GDA: variants seen among roughly 807,000 people sequenced by gnomAD.
The protein encoded by GDA is cytoplasmic PSD-95 interactor.
In GDA, 18 loss-of-function variants were observed where a neutral mutation model predicts 59.6. The ratio of observed to expected loss-of-function variants is 0.30; its 90% CI spans 0.21 to 0.45. The LOEUF is 0.45. Among genes scored for constraint, GDA ranks in the 20% least tolerant of loss-of-function variants. GDA has a pLI of 1.00. For synonymous variants in GDA, 201 were observed against 201.1 expected, an observed-to-expected ratio of 1.00 and a Z score of 0.00; for missense variants, 427 against 552.3, an observed-to-expected ratio of 0.77 and a Z score of 2.27.
At chr9:72,223,662 C>T (rs926249860) in intron 7 of GDA, among the ~76,000 whole-genome samples, 2 of 152,170 alleles carry the variant, frequency 1.3e-5, no homozygotes, top group Non-Finnish European at 2.9e-5. Context: ...CTAATTTCCA[C>T]CTTACAAAAT....
intron 4 of GDA, among the ~76,000 whole-genome samples, chr9:72,212,063 T>C (rs1026357882): frequency 1.3e-5 from 2 of 152,230 alleles, no homozygotes; most frequent in African/African-American, 4.8e-5. Flanking sequence ...TTGTCCCATA[T>C]AGCCTCAGCT....
chr9:72,233,997 A>G (rs1389554105), intron 10 of GDA, among the ~76,000 whole-genome samples: 1 of 152,204 alleles, frequency 6.6e-6, no homozygotes, highest in African/African-American at 2.4e-5. Flanking sequence ...AGCTTTATTT[A>G]TAATAGCCCC....
intron 6 of GDA, among the ~76,000 whole-genome samples, chr9:72,220,566 C>T (rs2131554574): frequency 6.6e-6 from 1 of 152,196 alleles, no homozygotes; most frequent in East Asian, 1.9e-4. Context: ...GTTAGAGTTA[C>T]CGTCTCAGGG....
chr9:72,192,421 G>C (rs745526408), intron 1 of GDA, among the ~76,000 whole-genome samples: 2 of 149,692 alleles, frequency 1.3e-5, no homozygotes, highest in Non-Finnish European at 3.0e-5. Context: ...TAGTAGAGAC[G>C]GGTTTTCACC....
At chr9:72,199,968 A>G (rs1246913582) in intron 2 of GDA, among the ~76,000 whole-genome samples, 3 of 149,572 alleles carry the variant, frequency 2.0e-5, no homozygotes, top group African/African-American at 4.9e-5. Flanking sequence ...AGTTACCTAT[A>G]TAAGACCCTC....
chr9:72,219,413 T>C lies in GDA; in HGVS notation c.579-66T>C, dbSNP rs1836572420. 5.0e-6 allele frequency: 6 copies of C among 1,194,146 alleles called. No individual in the cohort carries two copies. In the Middle Eastern group the frequency reaches 1.2e-3, roughly 240 times the overall value. 74.0% of individuals were successfully genotyped at this position (1,194,146 alleles called of 1,614,324 possible). On this transcript the variant is annotated intron_variant, in intron 5 of 13. Transcript: ENST00000358399. ...GCCAGACTCTGTCTGAAGAAAAAAA[T>C]AATAATAAAGAAAAGAAAAAAAGAA...
intron 1 of GDA, among the ~76,000 whole-genome samples, chr9:72,162,027 T>C (rs955596332): frequency 6.6e-6 from 1 of 152,242 alleles, no homozygotes; most frequent in Non-Finnish European, 1.5e-5. Flanking sequence ...TATAAATTGT[T>C]TCCTTTCAGC....
chr9:72,155,721 AAGG>A (rs1306470470), intron 1 of GDA, among the ~76,000 whole-genome samples: 4 of 152,200 alleles, frequency 2.6e-5, no homozygotes, highest in African/African-American at 7.2e-5. Flanking sequence ...GAGTGCAGGC[AAGG>A]AGGTCAGATA....
chr9:72,148,321 G>A (rs939455365), upstream of GDA, among the ~76,000 whole-genome samples: 3 of 133,838 alleles, frequency 2.2e-5, no homozygotes, highest in Non-Finnish European at 4.8e-5. Context: ...GTGTGTGTGT[G>A]TGTGTGTGTG....
chr9:72,181,411 C>T (rs1831199152), intron 1 of GDA, among the ~76,000 whole-genome samples: 1 of 152,054 alleles, frequency 6.6e-6, no homozygotes, highest in South Asian at 2.1e-4. Context: ...CTGAAACCTC[C>T]ACCTCCTGGG....
chr9:72,171,793 A>G (rs774589356), intron 1 of GDA, among the ~76,000 whole-genome samples: 3 of 152,062 alleles, frequency 2.0e-5, no homozygotes, highest in Non-Finnish European at 4.4e-5. Flanking sequence ...CTTGCCCACC[A>G]TATTTCTAAA....
At chr9:72,232,166 T>A (rs1838432914) in intron 10 of GDA, among the ~76,000 whole-genome samples, 1 of 152,136 alleles carries the variant, frequency 6.6e-6, no homozygotes, top group Non-Finnish European at 1.5e-5. Context: ...TTTTAATGGG[T>A]ATGGGGCAGG....
chr9:72,118,740 G>A (rs1360560068), intron 1 of GDA, among the ~76,000 whole-genome samples: 2 of 152,118 alleles, frequency 1.3e-5, no homozygotes, highest in East Asian at 1.9e-4. Flanking sequence ...CTTATGTTTA[G>A]TATTAAAGTT....
chr9:72,151,106 G>A (rs562098850), intron 1 of GDA, among the ~76,000 whole-genome samples: 12 of 152,260 alleles, frequency 7.9e-5, no homozygotes, highest in Admixed American at 5.2e-4. Flanking sequence ...CCAGTGGAGA[G>A]GAATAAGAAA....
intron 1 of GDA, among the ~76,000 whole-genome samples, chr9:72,117,392 T>C (rs1264270258): frequency 6.6e-6 from 1 of 152,158 alleles, no homozygotes; most frequent in African/African-American, 2.4e-5. Flanking sequence ...AAAATGATAA[T>C]TTGAGAAATA....
upstream of GDA, chr9:72,149,233 ATCT>A (rs766945700): frequency 3.6e-5 from 12 of 332,238 alleles, no homozygotes; most frequent in Middle Eastern, 8.6e-4. Flanking sequence ...GAGGAAGCTG[ATCT>A]TCTGAGCCTC....
At chr9:72,177,092 CTTTTTTTTTTTTT>C (rs58433062) in intron 1 of GDA, among the ~76,000 whole-genome samples, 3 of 67,800 alleles carry the variant, frequency 4.4e-5, no homozygotes, top group African/African-American at 1.6e-4. Context: ...TTATAAACTG[CTTTTTTTTTTTTT>C]TTTTTTTTTT....
At chr9:72,230,019 T>C (rs1838135298) in intron 9 of GDA, among the ~76,000 whole-genome samples, 1 of 152,240 alleles carries the variant, frequency 6.6e-6, no homozygotes, top group Admixed American at 6.5e-5. Context: ...GTTAAATTTC[T>C]TTAGGACACA....
chr9:72,157,147 C>A (rs954609154), intron 1 of GDA, among the ~76,000 whole-genome samples: 1 of 144,642 alleles, frequency 6.9e-6, no homozygotes, highest in Non-Finnish European at 1.5e-5. Context: ...TCAAGCGATT[C>A]TCCTGCCTCA....
Sources: allele counts gnomAD v4.1 joint callset (sites outside exome capture counted in the v4.1 genomes callset), GRCh38; gene constraint gnomAD v4.1.1; transcripts MANE v1.5; gene names NCBI Gene and HGNC (gene_info 2026-07-23, HGNC 2026-07-21).